ADAMTS12: variants seen among roughly 807,000 people sequenced by gnomAD.
The protein encoded by ADAMTS12 is A disintegrin and metalloproteinase with thrombospondin motifs 12.
In ADAMTS12, 118 loss-of-function variants were observed where a neutral mutation model predicts 167.8. The observed-to-expected ratio is 0.70, with a 90% confidence interval of 0.61 to 0.82. ADAMTS12 has a LOEUF of 0.82. Among genes scored for constraint, ADAMTS12 ranks in the 40% least tolerant of loss-of-function variants. The probability of loss-of-function intolerance (pLI) is 0.00; values close to 1 mark genes in which losing one functional copy is unlikely to be tolerated. For synonymous variants in ADAMTS12, 704 were observed against 716.9 expected (o/e 0.98, Z 0.29); for missense variants, 1,916 against 1,998.8 (o/e 0.96, Z 0.79).
rs1740563947 is a variant in ADAMTS12 at position 33,643,859 on chromosome 5, T to TG, written c.1480-390dup. 2.6e-5 allele frequency among the ~76,000 whole-genome samples: 4 copies of TG among 152,056 alleles called. No individual in the cohort carries two copies. In the South Asian group the frequency reaches 8.3e-4, roughly 31 times the overall value. On this transcript the variant is annotated intron_variant, in intron 9 of 23. Transcript: ENST00000504830. ...CAACCTGATTACTAACAGTTGGGGG[T>TG]GGTTATAACTTGAGCCTGCTCAGTG... is the stretch of plus-strand genomic sequence containing the variant.
chr5:33,632,676 G>C (rs542447886), intron 12 of ADAMTS12, among the ~76,000 whole-genome samples: 1 of 152,304 alleles, frequency 6.6e-6, no homozygotes, highest in Non-Finnish European at 1.5e-5. Flanking sequence ...AGCAACCTGG[G>C]AACAATTCTA....
Position 33,761,862 on chromosome 5 carries a change from TGGAGA to T in ADAMTS12, c.490-10319_490-10315del, listed in dbSNP as rs576052232. Among the ~76,000 whole-genome samples, 15 of 152,238 alleles carry T rather than the reference TGGAGA, an allele frequency of 9.9e-5. No homozygotes were observed. The East Asian group carries it at 2.7e-3, about 27-fold the overall frequency. ...CTTGAAGACAACATTAAAGTGGTGG[TGGAGA>T]GGAGCTGAGAAAGTCTGAAATAATC... On this transcript the variant is annotated intron_variant, in intron 2 of 23. Transcript: ENST00000504830.
At chr5:33,704,210 T>C (rs756077533) in intron 3 of ADAMTS12, among the ~76,000 whole-genome samples, 1 of 152,178 alleles carries the variant, frequency 6.6e-6, no homozygotes, top group Non-Finnish European at 1.5e-5. Context: ...AGTATTTCAT[T>C]GTATGTATAT....
chr5:33,588,894 T>C (rs1439645859), intron 17 of ADAMTS12, 85 bp from the exon 18 acceptor site: 3 of 1,521,616 alleles, frequency 2.0e-6, no homozygotes, highest in South Asian at 1.2e-5. Context: ...GGGGCAGAAA[T>C]GCAGATCACA....
chr5:33,634,955 G>A (rs1740120139), intron 12 of ADAMTS12, among the ~76,000 whole-genome samples: 1 of 152,018 alleles, frequency 6.6e-6, no homozygotes, highest in Non-Finnish European at 1.5e-5. Flanking sequence ...TTAAACTTCT[G>A]TGATGAAGCG....
At chr5:33,807,926 T>C (rs546396996) in intron 2 of ADAMTS12, among the ~76,000 whole-genome samples, 30 of 152,140 alleles carry the variant, frequency 2.0e-4, no homozygotes, top group Admixed American at 5.2e-4. Context: ...GAAATTTCAC[T>C]ATAGAAGAGG....
chr5:33,634,570 G>A (rs1486862627), intron 12 of ADAMTS12, among the ~76,000 whole-genome samples: 1 of 152,096 alleles, frequency 6.6e-6, no homozygotes, highest in Non-Finnish European at 1.5e-5. Flanking sequence ...TCAGCTTGGA[G>A]GAAAAAGCAA....
At chr5:33,634,705 C>T (rs1406212113) in intron 12 of ADAMTS12, among the ~76,000 whole-genome samples, 4 of 151,634 alleles carry the variant, frequency 2.6e-5, no homozygotes, top group African/African-American at 9.7e-5. Flanking sequence ...GTAATCCCCA[C>T]AATACATAGA....
intron 3 of ADAMTS12, among the ~76,000 whole-genome samples, chr5:33,718,104 C>A (rs1579869551): frequency 1.3e-5 from 2 of 152,270 alleles, no homozygotes; most frequent in South Asian, 4.1e-4. Flanking sequence ...ATAATATTGG[C>A]AAATAATATT....
intron 14 of ADAMTS12, among the ~76,000 whole-genome samples, chr5:33,616,568 T>A (rs904871925): frequency 6.6e-6 from 1 of 152,150 alleles, no homozygotes; most frequent in Non-Finnish European, 1.5e-5. Context: ...ATTAAGAAAA[T>A]CCTGGAGGGA....
intron 14 of ADAMTS12, among the ~76,000 whole-genome samples, chr5:33,618,768 T>C (rs1463612416): frequency 6.6e-6 from 1 of 152,212 alleles, no homozygotes; most frequent in Non-Finnish European, 1.5e-5. Flanking sequence ...ATTTCCTTGA[T>C]TGTCTCTGTT....
At chr5:33,605,976 C>T (rs1472903401) in intron 16 of ADAMTS12, among the ~76,000 whole-genome samples, 2 of 151,858 alleles carry the variant, frequency 1.3e-5, no homozygotes, top group African/African-American at 4.8e-5. Flanking sequence ...GAGATGGAGT[C>T]TCACTCTGTT....
chr5:33,852,461 G>C (rs1427685195), intron 2 of ADAMTS12, among the ~76,000 whole-genome samples: 3 of 152,156 alleles, frequency 2.0e-5, no homozygotes, highest in Non-Finnish European at 4.4e-5. Flanking sequence ...GCCATAAACA[G>C]GGTACAGAGG....
intron 2 of ADAMTS12, among the ~76,000 whole-genome samples, chr5:33,830,328 G>A (rs981040107): frequency 1.3e-5 from 2 of 152,140 alleles, no homozygotes; most frequent in East Asian, 1.9e-4. Flanking sequence ...AAACTTGATC[G>A]ATATCACAAT....
intron 17 of ADAMTS12, among the ~76,000 whole-genome samples, chr5:33,589,857 T>G (rs1322452353): frequency 6.6e-6 from 1 of 152,236 alleles, no homozygotes; most frequent in African/African-American, 2.4e-5. Flanking sequence ...ACTTTTATTT[T>G]TATTTACTAA....
chr5:33,884,152 C>T (rs752454288), intron 1 of ADAMTS12, among the ~76,000 whole-genome samples: 1 of 152,170 alleles, frequency 6.6e-6, no homozygotes, highest in Non-Finnish European at 1.5e-5. Context: ...GCTCTGTGTC[C>T]ACTGGGAAAC....
At chr5:33,616,585 G>A (rs1739028155) in intron 14 of ADAMTS12, among the ~76,000 whole-genome samples, 1 of 152,186 alleles carries the variant, frequency 6.6e-6, no homozygotes, top group South Asian at 2.1e-4. Flanking sequence ...GGGAATCTCA[G>A]ATTGTTTGCC....
In ADAMTS12 at chr5:33,643,423, A is replaced by C; in HGVS notation, c.1527T>G (p.Ser509=). 1 of 1,614,174 alleles carries C rather than the reference A, an allele frequency of 6.2e-7. No homozygotes were observed. Among genetic ancestry groups the C allele is most frequent in the East Asian group, 2.2e-5 (1 of 44,870 alleles). The change falls in exon 10 of 24, where the codon TCT becomes TCG. Residue 509 remains serine, a synonymous_variant. Transcript: ENST00000504830. ...TTCCATCTGCAGCAGCGTCCAGCTT[A>C]GAGCGACAAAAGCCCTTCACGGAGC... ...LWCSVKGFCR[S]KLDAAADGTQ...
rs754755030 is a variant in ADAMTS12 at position 33,695,119 on chromosome 5, T to G, written c.635-11064A>C. On this transcript the variant is annotated intron_variant, in intron 3 of 23. Transcript: ENST00000504830. ...TAAAGTCACAGTATGTATTATTCTG[T>G]TTTCTTCAATCCTATTTGCAACTAA... is the stretch of plus-strand genomic sequence containing the variant. Among the ~76,000 whole-genome samples the G allele has an allele frequency of 6.4e-4, 97 of 152,236 alleles. 1 individual carries two copies. The highest frequency in any genetic ancestry group is 1.2e-3 in the Non-Finnish European group (84 of 68,038).
Sources: allele counts gnomAD v4.1 joint callset (sites outside exome capture counted in the v4.1 genomes callset), GRCh38; gene constraint gnomAD v4.1.1; transcripts MANE v1.5; gene names NCBI Gene and HGNC (gene_info 2026-07-23, HGNC 2026-07-21).